The following MAP4K5 variants were observed in gnomAD, a reference collection of about 807,000 sequenced individuals.
The protein encoded by MAP4K5 is mitogen-activated protein kinase kinase kinase kinase 5.
A neutral mutation model predicts 135.6 loss-of-function variants in MAP4K5; 82 were observed. The observed-to-expected ratio is 0.60, with a 90% CI of 0.51 to 0.73. The LOEUF (loss-of-function observed/expected upper bound fraction) is 0.73, where lower values mean the gene tolerates loss of function less well. Ranked by LOEUF, MAP4K5 falls within the 30% of genes least tolerant of loss-of-function variation. MAP4K5 has a pLI of 0.00. For missense variants in MAP4K5, 907 were observed against 1,010.9 expected, an observed-to-expected ratio of 0.90 and a Z score of 1.39; for synonymous variants, 347 against 335.0, an observed-to-expected ratio of 1.04 and a Z score of -0.39.
At chr14:50,531,878 G>C in intron 2 of MAP4K5, 64 bp downstream of exon 2, 1 of 1,148,880 alleles carries the variant, frequency 8.7e-7, no homozygotes, top group Non-Finnish European at 1.3e-6. Context: ...TACTTCGCAG[G>C]AAAGTGGCCC....
At chr14:50,560,191 G>A in intron 1 of MAP4K5, 2 of 1,585,656 alleles carry the variant, frequency 1.3e-6, no homozygotes, top group South Asian at 1.1e-5. Context: ...GCCTCCCACC[G>A]CCAGCAACCT....
Position 50,420,467 on chromosome 14 carries a change from C to A in MAP4K5, c.2454-361G>T, listed in dbSNP as rs1467176245. ...GCAAGATGGCAAGACCCCAACTCTA[C>A]AAAAAAAAATAATAATTAGCTGGGT... On this transcript the variant is annotated intron_variant, in intron 32 of 32. Coordinates refer to ENST00000682126, the MANE Select transcript of MAP4K5 (RefSeq NM_006575.6). Among the ~76,000 whole-genome samples, 4 of 149,792 alleles carry A rather than the reference C, an allele frequency of 2.7e-5. No homozygotes were observed. In the East Asian group the frequency reaches 7.8e-4, roughly 29 times the overall value.
At chr14:50,456,683 T>C (rs2036601388) in intron 13 of MAP4K5, 89 bp from the exon 14 acceptor site, 1 of 763,312 alleles carries the variant, frequency 1.3e-6, no homozygotes, top group Non-Finnish European at 2.1e-6. Context: ...TTGATAAATA[T>C]GAATATCTAC....
Position 50,500,914 on chromosome 14 carries a change from T to C in MAP4K5, c.166+3886A>G, listed in dbSNP as rs113930598. Reference sequence around the variant, plus strand: ...ATAATCAATTTATGGATTTAAATTATAATATTCCTAATACGGGAAAATCTT... The same window carrying C: ...ATAATCAATTTATGGATTTAAATTACAATATTCCTAATACGGGAAAATCTT... On this transcript the variant is annotated intron_variant, in intron 3 of 32. Coordinates refer to ENST00000682126, the MANE Select transcript of MAP4K5 (RefSeq NM_006575.6). Among the ~76,000 whole-genome samples the C allele has an allele frequency of 2.8e-3, 423 of 152,324 alleles. 2 individuals are homozygous for C. Among genetic ancestry groups the C allele is most frequent in the African/African-American group, 9.3e-3 (386 of 41,570 alleles).
At chr14:50,431,603 C>G in intron 28 of MAP4K5, among the ~76,000 whole-genome samples, 1 of 151,790 alleles carries the variant, frequency 6.6e-6, no homozygotes, top group Middle Eastern at 3.4e-3. Flanking sequence ...TATGGCTGCA[C>G]AGTATTCCAT....
At chr14:50,472,892 A>C (rs2036998013) in intron 9 of MAP4K5, among the ~76,000 whole-genome samples, 1 of 152,190 alleles carries the variant, frequency 6.6e-6, no homozygotes, top group Non-Finnish European at 1.5e-5. Flanking sequence ...TTAAACATTG[A>C]CTAATGCTCA....
intron 2 of MAP4K5, among the ~76,000 whole-genome samples, chr14:50,522,934 G>A (rs1261441141): frequency 6.6e-6 from 1 of 152,136 alleles, no homozygotes; most frequent in African/African-American, 2.4e-5. Context: ...ATAAGAAACA[G>A]CTACATTTTC....
intron 14 of MAP4K5, chr14:50,449,107 A>C: frequency 3.0e-6 from 1 of 338,874 alleles, no homozygotes; most frequent in Non-Finnish European, 5.3e-6. Context: ...TTAAAAATTC[A>C]TCAAAAATAA....
At chr14:50,429,578 T>C (rs1052842457) in intron 28 of MAP4K5, among the ~76,000 whole-genome samples, 9 of 152,200 alleles carry the variant, frequency 5.9e-5, no homozygotes, top group Admixed American at 3.9e-4. Flanking sequence ...ACATGCATGC[T>C]ATACACAATG....
chr14:50,513,260 A>C (rs1566688040), intron 2 of MAP4K5, among the ~76,000 whole-genome samples: 1 of 152,170 alleles, frequency 6.6e-6, no homozygotes, highest in Admixed American at 6.5e-5. Flanking sequence ...TTTACTACTA[A>C]GGAAGTATTT....
At chr14:50,423,480 A>T (rs548114186) in intron 31 of MAP4K5, among the ~76,000 whole-genome samples, 2 of 152,108 alleles carry the variant, frequency 1.3e-5, no homozygotes, top group Non-Finnish European at 2.9e-5. Flanking sequence ...GTTCAATCTC[A>T]TAGAATGGGT....
chr14:50,447,733 G>A (rs773190743), intron 15 of MAP4K5, among the ~76,000 whole-genome samples: 3 of 152,150 alleles, frequency 2.0e-5, no homozygotes, highest in Non-Finnish European at 4.4e-5. Context: ...TTCTTTATCA[G>A]TATGTGAGCA....
intron 2 of MAP4K5, among the ~76,000 whole-genome samples, chr14:50,512,861 C>T (rs2037958260): frequency 6.6e-6 from 1 of 152,100 alleles, no homozygotes; most frequent in South Asian, 2.1e-4. Flanking sequence ...ACTCTCAATT[C>T]TTTTTGTTTT....
intron 26 of MAP4K5, among the ~76,000 whole-genome samples, chr14:50,436,297 T>G (rs969912404): frequency 3.3e-5 from 5 of 152,142 alleles, no homozygotes; most frequent in Non-Finnish European, 7.4e-5. Flanking sequence ...GTCCTGCTTC[T>G]GGGAGGTAAT....
chr14:50,462,856 T>C (rs2139812278), intron 12 of MAP4K5, 75 bp from the exon 13 acceptor site: 1 of 821,166 alleles, frequency 1.2e-6, no homozygotes, highest in Non-Finnish European at 2.1e-6. Context: ...ATCTTCATTT[T>C]TTCATTCAGT....
At chr14:50,556,332 C>G (rs2038765177) in intron 1 of MAP4K5, among the ~76,000 whole-genome samples, 1 of 152,152 alleles carries the variant, frequency 6.6e-6, no homozygotes, top group Non-Finnish European at 1.5e-5. Context: ...CCTCCCACCT[C>G]AGCCTCTTGA....
chr14:50,422,087 T>G (rs1053208032), intron 32 of MAP4K5, among the ~76,000 whole-genome samples: 1 of 152,050 alleles, frequency 6.6e-6, no homozygotes, highest in Non-Finnish European at 1.5e-5. Flanking sequence ...AGACAGCTGA[T>G]TCACCTGCCT....
rs1366879516 is a variant in MAP4K5, at chr14:50,531,795, G to C, written c.108+147C>G. 7 of 691,706 alleles carry C rather than the reference G, an allele frequency of 1.0e-5. No individual in the cohort carries two copies. In the East Asian group the frequency reaches 1.9e-4, roughly 19 times the overall value. 42.8% of individuals were successfully genotyped at this position (691,706 alleles called of 1,614,324 possible). A position where few individuals can be genotyped will look rare whatever the true frequency, so the allele number is the denominator to read the frequency against. ...ACAAGCCATGAGTCGAGGGTGCTCAGAACCGAGTAAAAGGGACCCCGGCCG... is the reference window on the plus strand; with the variant it reads ...ACAAGCCATGAGTCGAGGGTGCTCACAACCGAGTAAAAGGGACCCCGGCCG... On this transcript the variant is annotated intron_variant, in intron 2 of 32. Transcript: ENST00000682126.
chr14:50,560,463 G>C, intron 1 of MAP4K5: 1 of 945,564 alleles, frequency 1.1e-6, no homozygotes. Flanking sequence ...AGGAACCATG[G>C]CCGAGCGGTA....
Sources: allele counts gnomAD v4.1 joint callset (sites outside exome capture counted in the v4.1 genomes callset), GRCh38; gene constraint gnomAD v4.1.1; transcripts MANE v1.5; gene names NCBI Gene and HGNC (gene_info 2026-07-23, HGNC 2026-07-21).